TRIM33: variants seen among roughly 807,000 people sequenced by gnomAD.
TRIM33 encodes tripartite motif containing 33.
A neutral mutation model predicts 125.4 loss-of-function variants in TRIM33; 20 were observed. That is an observed-to-expected ratio of 0.16 (90% confidence interval 0.11 to 0.23). The LOEUF (loss-of-function observed/expected upper bound fraction) is 0.23, where lower values mean the gene tolerates loss of function less well. Ranked by LOEUF, TRIM33 falls within the 10% of genes least tolerant of loss-of-function variation. TRIM33 has a pLI of 1.00. For missense variants in TRIM33, 920 were observed against 1,411.4 expected (o/e 0.65, Z 5.58); for synonymous variants, 564 against 513.9 (o/e 1.10, Z -1.32).
intron 1 of TRIM33, among the ~76,000 whole-genome samples, chr1:114,473,320 C>T (rs1330803713): frequency 4.0e-5 from 6 of 151,550 alleles, no homozygotes; most frequent in South Asian, 4.2e-4. Context: ...TAGAAGGATG[C>T]GCCCTCACAG....
intron 6 of TRIM33, among the ~76,000 whole-genome samples, chr1:114,429,215 T>C (rs530833735): frequency 1.1e-4 from 17 of 149,280 alleles, no homozygotes; most frequent in African/African-American, 4.0e-4. Flanking sequence ...TGAGACGGAG[T>C]CTCGCTCTGT....
At chr1:114,427,117 G>T in intron 8 of TRIM33, 60 bp downstream of exon 8, 1 of 779,908 alleles carries the variant, frequency 1.3e-6, no homozygotes, top group Non-Finnish European at 2.1e-6. Flanking sequence ...TTTGCTTTAA[G>T]TATTTTCTCC....
At chr1:114,441,522 G>A (rs1046814975) in intron 4 of TRIM33, among the ~76,000 whole-genome samples, 4 of 152,146 alleles carry the variant, frequency 2.6e-5, no homozygotes, top group Admixed American at 6.5e-5. Context: ...GCACAGAAGG[G>A]AACTCTTGAA....
At position 114,510,912 on chromosome 1, in the gene TRIM33, A is replaced by G. The variant is rs754925609; in HGVS notation, c.165T>C (p.Ala55=). 10 of 1,416,358 alleles carry G rather than the reference A, an allele frequency of 7.1e-6. No individual in the cohort carries two copies. Among genetic ancestry groups the G allele is most frequent in the Middle Eastern group, 2.5e-4 (1 of 3,962 alleles). 87.7% of individuals were successfully genotyped at this position (1,416,358 alleles called of 1,614,324 possible). The stretch of plus-strand genomic sequence containing the variant: ...CGTCGGGCCCGGCCGCGCCGCCCTC[A>G]GCGCCGGCCCTGCCGCCTTCCTCCT... ...EEEEEGGRAG[A]EGGAAGPDDG... The change falls in exon 1 of 20, where the codon GCT becomes GCC. Residue 55 remains alanine, a synonymous_variant. Transcript: ENST00000358465.
At position 114,397,300 on chromosome 1, in the gene TRIM33, A is replaced by C. The variant is rs913851082; in HGVS notation, c.*348T>G. On this transcript the variant is annotated 3_prime_UTR_variant, in exon 20 of 20. Transcript: ENST00000358465. ...CAAGTGACACGAGTCTCAAGTATTT[A>C]CTCGTATACCAAGTATCCTGCACCA... The C allele has an allele frequency of 3.4e-6, 1 of 291,610 alleles. No homozygotes were observed. The allele number at this position is 291,610 out of a possible 1,614,324, so 18.1% of individuals were successfully genotyped here. A position where few individuals can be genotyped will look rare whatever the true frequency, so the allele number is the denominator to read the frequency against.
At chr1:114,437,615 G>A (rs1313951059) in intron 4 of TRIM33, among the ~76,000 whole-genome samples, 2 of 152,164 alleles carry the variant, frequency 1.3e-5, no homozygotes, top group Non-Finnish European at 2.9e-5. Flanking sequence ...GGGATTATAG[G>A]CGTGAGCCAC....
At chr1:114,458,153 T>C (rs922979512) in intron 4 of TRIM33, among the ~76,000 whole-genome samples, 3 of 152,188 alleles carry the variant, frequency 2.0e-5, no homozygotes, top group Admixed American at 2.0e-4. Context: ...ACCCTCCTTG[T>C]TCAGGGACTG....
At chr1:114,448,782 G>C (rs1158434088) in intron 4 of TRIM33, among the ~76,000 whole-genome samples, 1 of 152,056 alleles carries the variant, frequency 6.6e-6, no homozygotes, top group East Asian at 1.9e-4. Flanking sequence ...TAGAAGTTTC[G>C]TACTAAGCAG....
intron 1 of TRIM33, among the ~76,000 whole-genome samples, chr1:114,493,819 G>A (rs1010507720): frequency 2.0e-5 from 3 of 152,028 alleles, no homozygotes; most frequent in East Asian, 1.9e-4. Context: ...GACCACAGAC[G>A]TGAACCACAT....
intron 8 of TRIM33, 35 bp from the exon 9 acceptor site, chr1:114,425,758 T>TCA: frequency 6.9e-7 from 1 of 1,455,196 alleles, no homozygotes; most frequent in Non-Finnish European, 9.4e-7. Flanking sequence ...TTGCATATAA[T>TCA]CAACTAAATC....
At chr1:114,474,578 TAAAA>T (rs34473575) in intron 1 of TRIM33, among the ~76,000 whole-genome samples, 1 of 78,980 alleles carries the variant, frequency 1.3e-5, no homozygotes, top group Non-Finnish European at 2.3e-5. Flanking sequence ...TGTCTCTATT[TAAAA>T]AAAAAAAAAA....
chr1:114,437,728 C>T (rs28384136), intron 4 of TRIM33, among the ~76,000 whole-genome samples: 1 of 152,076 alleles, frequency 6.6e-6, no homozygotes, highest in Non-Finnish European at 1.5e-5. Flanking sequence ...GATGTATGCC[C>T]AGGATTTAGT....
chr1:114,469,652 A>C (rs1650518398), intron 1 of TRIM33, among the ~76,000 whole-genome samples: 1 of 152,254 alleles, frequency 6.6e-6, no homozygotes, highest in Non-Finnish European at 1.5e-5. Context: ...AACAATAATT[A>C]TGTTCTGGAG....
chr1:114,500,048 T>C (rs963234167), intron 1 of TRIM33, among the ~76,000 whole-genome samples: 1 of 152,080 alleles, frequency 6.6e-6, no homozygotes, highest in African/African-American at 2.4e-5. Flanking sequence ...GCGCCTCTAA[T>C]CCCAGCTACT....
intron 8 of TRIM33, among the ~76,000 whole-genome samples, chr1:114,426,967 A>G (rs929717234): frequency 7.2e-5 from 11 of 152,204 alleles, no homozygotes; most frequent in Non-Finnish European, 1.5e-4. Context: ...AAAACAATAT[A>G]CAGAGTAGAC....
chr1:114,488,875 A>G (rs866321710), intron 1 of TRIM33, among the ~76,000 whole-genome samples: 4 of 152,180 alleles, frequency 2.6e-5, no homozygotes, highest in Non-Finnish European at 5.9e-5. Flanking sequence ...AAAAAATAAA[A>G]AAATTGCTGG....
chr1:114,480,985 A>AAC (rs1346826251), intron 1 of TRIM33, among the ~76,000 whole-genome samples: 1 of 152,154 alleles, frequency 6.6e-6, no homozygotes, highest in African/African-American at 2.4e-5. Context: ...CAGTCTGGCC[A>AAC]ACATGGTGAA....
At chr1:114,436,835 TTGATTTATCCCACATACTA>T (rs1278229568) in intron 4 of TRIM33, among the ~76,000 whole-genome samples, 4 of 152,198 alleles carry the variant, frequency 2.6e-5, no homozygotes, top group Non-Finnish European at 5.9e-5. Flanking sequence ...AGAGCAACAT[TTGATTTATCCCACATACTA>T]TGATTTCTCT....
At position 114,511,040 on chromosome 1, in the gene TRIM33, CGCT is replaced by C. The variant is rs1464190444; in HGVS notation, c.34_36del (p.Ser12del). ...GGCGCGCTGCCGCTGCCCCCGCCGC[CGCT>C]CTCAGCCTCGCCGCCGCCTTTGTTT... is the stretch of plus-strand genomic sequence containing the variant. On this transcript the variant is annotated inframe_deletion, in exon 1 of 20. Transcript: ENST00000358465. 10 of 1,313,730 alleles carry C rather than the reference CGCT, an allele frequency of 7.6e-6. No individual in the cohort carries two copies. The highest frequency in any genetic ancestry group is 8.7e-6 in the Non-Finnish European group (9 of 1,029,374). The allele number at this position is 1,313,730 out of a possible 1,614,324, so 81.4% of individuals were successfully genotyped here.
Sources: allele counts gnomAD v4.1 joint callset (sites outside exome capture counted in the v4.1 genomes callset), GRCh38; gene constraint gnomAD v4.1.1; transcripts MANE v1.5; gene names NCBI Gene and HGNC (gene_info 2026-07-23, HGNC 2026-07-21).